Variants in SNRPG observed in about 807,000 individuals in gnomAD.
SNRPG encodes small nuclear ribonucleoprotein polypeptide G.
In SNRPG, 3 loss-of-function variants were observed where a neutral mutation model predicts 13.9. The ratio of observed to expected loss-of-function variants is 0.22; its 90% confidence interval spans 0.10 to 0.56. The LOEUF (loss-of-function observed/expected upper bound fraction) is 0.56, where lower values mean the gene tolerates loss of function less well. Ranked by LOEUF, SNRPG falls within the 20% of genes least tolerant of loss-of-function variation. The probability of loss-of-function intolerance (pLI) is 0.93; values close to 1 mark genes in which losing one functional copy is unlikely to be tolerated. For missense variants in SNRPG, 34 were observed against 96.1 expected (o/e 0.35, Z 2.70); for synonymous variants, 29 against 29.3 (o/e 0.99, Z 0.03).
At chr2:70,291,257 C>T (rs1697088469) in intron 1 of SNRPG, 1 of 152,136 alleles carries the variant, frequency 6.6e-6, no homozygotes, top group Admixed American at 6.5e-5. Flanking sequence ...ACAAATAGTT[C>T]AGTGTGACTG....
intron 1 of SNRPG, 150 bp downstream of exon 1, chr2:70,293,468 G>GCGGGAGCCTGGC: frequency 1.3e-6 from 1 of 779,936 alleles, no homozygotes; most frequent in African/African-American, 1.7e-5. Flanking sequence ...CGTCTCATGC[G>GCGGGAGCCTGGC]CGGGAGCCTG....
chr2:70,289,533 A>AGGCC (rs1298053580), intron 1 of SNRPG, among the ~76,000 whole-genome samples, 161 bp from the exon 2 acceptor site: 1 of 152,162 alleles, frequency 6.6e-6, no homozygotes, highest in Non-Finnish European at 1.5e-5. Flanking sequence ...GTGAGGGAGT[A>AGGCC]GGGCGAGGTA....
At position 70,289,438 on chromosome 2, in the gene SNRPG, AGG is replaced by A; in HGVS notation, c.33-68_33-67del. 3 of 801,708 alleles carry A rather than the reference AGG, an allele frequency of 3.7e-6. No individual in the cohort carries two copies. The South Asian group carries it at 4.8e-5, about 13-fold the overall frequency. 49.7% of individuals were successfully genotyped at this position (801,708 alleles called of 1,614,324 possible). On this transcript the variant is annotated intron_variant, in intron 1 of 3. Transcript: ENST00000272348. ...AAAATTTAAGCATAAACAAGTAAAT[AGG>A]TATAGTTAAGATAATTTGCTAAAAT...
At chr2:70,287,453 T>C (rs1696971563) in intron 3 of SNRPG, 2 of 649,924 alleles carry the variant, frequency 3.1e-6, no homozygotes, top group East Asian at 2.8e-5. Flanking sequence ...CCAATGAATG[T>C]AGGAATGTTT....
At chr2:70,288,308 T>C (rs1237779095) in intron 2 of SNRPG, 116 bp from the exon 3 acceptor site, 2 of 788,024 alleles carry the variant, frequency 2.5e-6, no homozygotes, top group African/African-American at 1.7e-5. Flanking sequence ...CCACTATCCT[T>C]ACTGTATGAC....
chr2:70,287,663 C>A (rs1696976387), intron 3 of SNRPG: 2 of 419,404 alleles, frequency 4.8e-6, no homozygotes, highest in Non-Finnish European at 8.5e-6. Flanking sequence ...CTGCATTAGG[C>A]ATTAGTAGAA....
In SNRPG at chr2:70,288,164, T is replaced by C. The variant is rs1484789979; in HGVS notation, c.84A>G (p.Gln28=). 1.9e-6 allele frequency: 3 copies of C among 1,612,628 alleles called. No homozygotes were observed. The highest frequency in any genetic ancestry group is 2.5e-6 in the Non-Finnish European group (3 of 1,178,772). The stretch of plus-strand genomic sequence containing the variant: ...AGGGATCAAATCCCCGCAATATTCC[T>C]TGGACATGTCTGCCACCATTTAATT... ...SLKLNGGRHV[Q]GILRGFDPFM... The change falls in exon 3 of 4, where the codon CAA becomes CAG. Residue 28 remains glutamine, a synonymous_variant. Coordinates refer to ENST00000272348, the MANE Select transcript of SNRPG (RefSeq NM_003096.4).
At chr2:70,292,904 T>G (rs1485079668) in intron 1 of SNRPG, 2 of 526,886 alleles carry the variant, frequency 3.8e-6, no homozygotes, top group East Asian at 6.0e-5. Context: ...ATTCAAAGCT[T>G]TACGTTGAGT....
intron 3 of SNRPG, among the ~76,000 whole-genome samples, chr2:70,284,396 T>A (rs933032926): frequency 4.6e-5 from 7 of 152,180 alleles, no homozygotes; most frequent in South Asian, 2.1e-4. Context: ...AATTATTATT[T>A]TTTTTGAAAC....
chr2:70,291,948 A>ATTT (rs200204639), intron 1 of SNRPG, among the ~76,000 whole-genome samples: 2 of 136,756 alleles, frequency 1.5e-5, no homozygotes, highest in South Asian at 2.3e-4. Flanking sequence ...AGTAACTTCT[A>ATTT]TTTTTTTTTT....
chr2:70,285,534 T>C (rs1696919387), intron 3 of SNRPG, among the ~76,000 whole-genome samples: 1 of 152,098 alleles, frequency 6.6e-6, no homozygotes, highest in Non-Finnish European at 1.5e-5. Flanking sequence ...ACCACACCAT[T>C]GCACTCCAGC....
chr2:70,293,152 C>A (rs1239429674), intron 1 of SNRPG: 2 of 702,318 alleles, frequency 2.8e-6, no homozygotes, highest in African/African-American at 3.5e-5. Flanking sequence ...CAAACACCTA[C>A]AAACACATTT....
At chr2:70,290,823 T>TAAAAAAAAAAAA (rs57720967) in intron 1 of SNRPG, among the ~76,000 whole-genome samples, 1 of 25,284 alleles carries the variant, frequency 4.0e-5, no homozygotes, top group Non-Finnish European at 6.2e-5. Context: ...CCGTCTCTAC[T>TAAAAAAAAAAAA]AAAAAAAAAA....
chr2:70,282,246 A>G (rs962602575), intron 3 of SNRPG, among the ~76,000 whole-genome samples: 10 of 152,132 alleles, frequency 6.6e-5, no homozygotes, highest in Admixed American at 6.6e-5. Flanking sequence ...GCAGGACTCA[A>G]ATTTAAATGC....
At chr2:70,292,914 T>A in intron 1 of SNRPG, 1 of 554,244 alleles carries the variant, frequency 1.8e-6, no homozygotes, top group Non-Finnish European at 3.2e-6. Flanking sequence ...TTACGTTGAG[T>A]CCTACCTAAA....
chr2:70,288,956 AT>A (rs879435377), intron 2 of SNRPG, among the ~76,000 whole-genome samples: 23 of 147,972 alleles, frequency 1.6e-4, no homozygotes, highest in East Asian at 2.0e-4. Flanking sequence ...TGTGCTTTAA[AT>A]TTTTTTTTTT....
rs1697075531 is a variant in SNRPG, at chr2:70,290,991, A to G, written c.33-1619T>C. Among the ~76,000 whole-genome samples the G allele has an allele frequency of 3.4e-5, 5 of 148,128 alleles. No individual in the cohort carries two copies. In the Middle Eastern group the frequency reaches 0.014, roughly 423 times the overall value. ...GCGCCACTGCACTCCAGCCTGGGCA[A>G]TAAGAGTGAAACTCCATCTCAAAAC... On this transcript the variant is annotated intron_variant, in intron 1 of 3. Coordinates refer to ENST00000272348, the MANE Select transcript of SNRPG (RefSeq NM_003096.4).
chr2:70,287,451 T>G, intron 3 of SNRPG: 22 of 639,316 alleles, frequency 3.4e-5, no homozygotes, highest in East Asian at 8.7e-5. Flanking sequence ...GCCCAATGAA[T>G]GTAGGAATGT....
intron 3 of SNRPG, chr2:70,287,258 C>G (rs750079158): frequency 1.4e-6 from 1 of 698,338 alleles, no homozygotes; most frequent in South Asian, 1.5e-5. Context: ...TAATTAGCAA[C>G]TCTTACCACT....
Sources: gnomAD v4.1 joint callset for allele counts (sites outside exome capture counted in the v4.1 genomes callset) on GRCh38, gnomAD v4.1.1 for gene constraint, MANE v1.5 for transcripts, NCBI Gene and HGNC (gene_info 2026-07-23, HGNC 2026-07-21) for gene names.